Variants in UPF2 observed in about 807,000 individuals in gnomAD.
UPF2 encodes the protein regulator of nonsense transcripts 2.
In UPF2, 17 loss-of-function variants were observed where a neutral mutation model predicts 141.4. That is an observed-to-expected ratio of 0.12 (90% CI 0.08 to 0.18). The LOEUF (loss-of-function observed/expected upper bound fraction) is 0.18. UPF2 is among the 10% of genes least tolerant of loss of function. The probability of loss-of-function intolerance (pLI) is 1.00; values close to 1 mark genes in which losing one functional copy is unlikely to be tolerated. For missense variants in UPF2, 1,152 were observed against 1,515.9 expected (o/e 0.76, Z 3.99); for synonymous variants, 540 against 498.0 (o/e 1.08, Z -1.12).
At chr10:12,010,639 A>G (rs891457171) in intron 4 of UPF2, among the ~76,000 whole-genome samples, 1 of 152,146 alleles carries the variant, frequency 6.6e-6, no homozygotes, top group Admixed American at 6.5e-5. Flanking sequence ...CCTATAGGAG[A>G]GGTGACGAAG....
intron 8 of UPF2, among the ~76,000 whole-genome samples, chr10:11,984,875 G>A (rs1194587821): frequency 6.6e-6 from 1 of 152,138 alleles, no homozygotes; most frequent in African/African-American, 2.4e-5. Context: ...ACCATGCCCG[G>A]CTAATTTTTG....
intron 8 of UPF2, among the ~76,000 whole-genome samples, chr10:11,989,684 T>C (rs1303158134): frequency 6.6e-6 from 1 of 152,228 alleles, no homozygotes; most frequent in Non-Finnish European, 1.5e-5. Context: ...CATGCTTCCC[T>C]ACATTTTCTA....
In UPF2 at chr10:11,921,467, G is replaced by A. The variant is rs868814350; in HGVS notation, c.3810-160C>T. Among the ~76,000 whole-genome samples, 3 of 151,998 alleles carry A rather than the reference G, an allele frequency of 2.0e-5. No individual in the cohort carries two copies. The highest frequency in any genetic ancestry group is 4.4e-5 in the Non-Finnish European group (3 of 67,982). On this transcript the variant is annotated intron_variant, in intron 21 of 21. Transcript: ENST00000357604. This position sits in a 1 kb window ranked among gnomAD's most constrained non-coding sequence, Gnocchi z 5.9. ...CCACATCCATGGACCAAAAATATTCGGGGGAAAAAAACCCAAACAATAAAA... is the reference window on the plus strand; with the variant it reads ...CCACATCCATGGACCAAAAATATTCAGGGGAAAAAAACCCAAACAATAAAA...
intron 18 of UPF2, among the ~76,000 whole-genome samples, chr10:11,942,313 C>T (rs1406312798): frequency 6.6e-6 from 1 of 151,970 alleles, no homozygotes; most frequent in African/African-American, 2.4e-5. Flanking sequence ...GCAGAGGTTG[C>T]AGTGAGCTGA....
At chr10:12,006,422 AAATAGAT>A (rs747598991) in intron 4 of UPF2, among the ~76,000 whole-genome samples, 5 of 152,208 alleles carry the variant, frequency 3.3e-5, no homozygotes, top group African/African-American at 4.8e-5. Context: ...TGAGAATTAT[AAATAGAT>A]TATGTAAATT....
rs906030029 is a variant in UPF2, at chr10:11,998,985, A to G, written c.1758+921T>C. 6.6e-5 allele frequency among the ~76,000 whole-genome samples: 10 copies of G among 150,386 alleles called. No homozygotes were observed. Among genetic ancestry groups the G allele is most frequent in the Non-Finnish European group, 1.3e-4 (9 of 67,750 alleles). On this transcript the variant is annotated intron_variant, in intron 7 of 21. Coordinates refer to ENST00000357604, the MANE Select transcript of UPF2 (RefSeq NM_015542.4). This position sits in a 1 kb window ranked among gnomAD's most constrained non-coding sequence, Gnocchi z 4.5. ...GGTTGCAGTGAGCCAAGACCGTGCCACTGCACTCCAGACCGGGCAACAGAG... is the reference window on the plus strand; with the variant it reads ...GGTTGCAGTGAGCCAAGACCGTGCCGCTGCACTCCAGACCGGGCAACAGAG...
chr10:12,033,112 T>C (rs1256492833), intron 2 of UPF2, among the ~76,000 whole-genome samples: 1 of 152,136 alleles, frequency 6.6e-6, no homozygotes, highest in African/African-American at 2.4e-5. Flanking sequence ...GGTTTTTAAA[T>C]TATATATTTG....
intron 4 of UPF2, among the ~76,000 whole-genome samples, chr10:12,007,657 C>A (rs182183113): frequency 5.3e-5 from 8 of 151,614 alleles, no homozygotes; most frequent in Non-Finnish European, 1.0e-4. Flanking sequence ...AGTGAAACCC[C>A]GTCTCTACTA....
chr10:12,033,139 T>A (rs955655085), intron 2 of UPF2, among the ~76,000 whole-genome samples: 2 of 152,160 alleles, frequency 1.3e-5, no homozygotes, highest in African/African-American at 4.8e-5. Flanking sequence ...CAAAGTAGTG[T>A]ACATCTGTAG....
chr10:11,954,547 T>C (rs530024258), intron 14 of UPF2, among the ~76,000 whole-genome samples: 1 of 151,162 alleles, frequency 6.6e-6, no homozygotes, highest in Non-Finnish European at 1.5e-5. Flanking sequence ...GGCAGGAGAA[T>C]TGCTTGAACC....
At chr10:11,964,158 G>C (rs1293929943) in intron 10 of UPF2, 33 bp from the exon 11 acceptor site, 1 of 1,503,910 alleles carries the variant, frequency 6.6e-7, no homozygotes, top group Admixed American at 1.7e-5. Context: ...AACTACAAAG[G>C]CAACTCTTCA....
At chr10:12,007,787 C>T (rs1043003110) in intron 4 of UPF2, among the ~76,000 whole-genome samples, 9 of 150,556 alleles carry the variant, frequency 6.0e-5, no homozygotes, top group Non-Finnish European at 1.0e-4. Flanking sequence ...GCTGTGAACG[C>T]GCCACTGCAC....
chr10:11,938,868 T>TTTTTTGTTTTTTTG (rs1832896627), intron 18 of UPF2, among the ~76,000 whole-genome samples: 23 of 90,850 alleles, frequency 2.5e-4, no homozygotes, highest in Admixed American at 8.7e-4. Context: ...TTTTTTTTTT[T>TTTTTTGTTTTTTTG]TTTTTTTTTT....
chr10:11,930,184 C>G (rs1210384288), intron 20 of UPF2, among the ~76,000 whole-genome samples, 199 bp from the exon 21 acceptor site: 1 of 152,164 alleles, frequency 6.6e-6, no homozygotes, highest in Non-Finnish European at 1.5e-5. Context: ...TTTTAATACC[C>G]AATGTTCCCT....
At chr10:12,021,917 G>A (rs540320932) in intron 3 of UPF2, among the ~76,000 whole-genome samples, 3 of 152,226 alleles carry the variant, frequency 2.0e-5, no homozygotes, top group South Asian at 2.1e-4. Flanking sequence ...AGGGCAAGGC[G>A]GGCGGATCAC....
chr10:11,937,352 T>C (rs1832866089), intron 18 of UPF2, among the ~76,000 whole-genome samples: 1 of 152,180 alleles, frequency 6.6e-6, no homozygotes. Flanking sequence ...CTCATAAGCT[T>C]GTTAAGACAG....
At chr10:12,020,884 T>C (rs1189885082) in intron 3 of UPF2, among the ~76,000 whole-genome samples, 5 of 152,230 alleles carry the variant, frequency 3.3e-5, no homozygotes, top group Non-Finnish European at 5.9e-5. Flanking sequence ...ATTATAATTA[T>C]CCACTTTGTA....
At chr10:11,933,567 C>A (rs186376823) in intron 19 of UPF2, among the ~76,000 whole-genome samples, 1 of 152,080 alleles carries the variant, frequency 6.6e-6, no homozygotes, top group Non-Finnish European at 1.5e-5. Flanking sequence ...ATAAGCCACC[C>A]GGTTTATAAT....
chr10:11,994,975 C>CAAAAAA (rs60922532), intron 8 of UPF2, among the ~76,000 whole-genome samples: 12 of 51,362 alleles, frequency 2.3e-4, no homozygotes, highest in African/African-American at 9.4e-4. Flanking sequence ...GACTCCATCT[C>CAAAAAA]AAAAAAAAAA....
Sources: gnomAD v4.1 joint callset for allele counts (sites outside exome capture counted in the v4.1 genomes callset) on GRCh38, gnomAD v4.1.1 for gene constraint, Gnocchi (gnomAD v3.1) non-coding constraint, MANE v1.5 for transcripts, NCBI Gene and HGNC (gene_info 2026-07-23, HGNC 2026-07-21) for gene names.